CDH9: variants seen among roughly 807,000 people sequenced by gnomAD.
CDH9 encodes the protein cadherin 9.
Under a neutral mutation model 70.9 loss-of-function variants are expected in CDH9, and 28 were observed. The observed-to-expected ratio is 0.40, with a 90% CI of 0.29 to 0.54. The LOEUF is 0.54. Ranked by LOEUF, CDH9 falls within the 20% of genes least tolerant of loss-of-function variation. The probability of loss-of-function intolerance (pLI) is 0.59; values close to 1 mark genes in which losing one functional copy is unlikely to be tolerated. For synonymous variants in CDH9, 409 were observed against 343.1 expected (o/e 1.19, Z -2.12); for missense variants, 874 against 984.4 (o/e 0.89, Z 1.50).
intron 1 of CDH9, among the ~76,000 whole-genome samples, chr5:27,001,502 G>T (rs1742767345): frequency 6.6e-6 from 1 of 151,820 alleles, no homozygotes; most frequent in East Asian, 1.9e-4. Flanking sequence ...TGATCCATGG[G>T]GTAATAATTA....
At chr5:26,928,239 C>A (rs1159445013) in intron 2 of CDH9, among the ~76,000 whole-genome samples, 1 of 151,888 alleles carries the variant, frequency 6.6e-6, no homozygotes, top group Non-Finnish European at 1.5e-5. Flanking sequence ...AAACTTATCC[C>A]ATTTACAATA....
chr5:27,003,977 T>A (rs2112108584), intron 1 of CDH9, among the ~76,000 whole-genome samples: 1 of 151,976 alleles, frequency 6.6e-6, no homozygotes, highest in Admixed American at 6.6e-5. Context: ...TGTACTAGCT[T>A]CTCAGTTTTT....
intron 2 of CDH9, among the ~76,000 whole-genome samples, chr5:26,981,609 T>A (rs987745513): frequency 6.6e-6 from 1 of 152,036 alleles, no homozygotes; most frequent in Non-Finnish European, 1.5e-5. Flanking sequence ...TTATACATGC[T>A]TGCATGTATA....
At chr5:26,936,507 C>A (rs2112030102) in intron 2 of CDH9, among the ~76,000 whole-genome samples, 1 of 152,126 alleles carries the variant, frequency 6.6e-6, no homozygotes, top group Non-Finnish European at 1.5e-5. Flanking sequence ...TCTATGGATT[C>A]AATGCAATTC....
At chr5:26,997,706 A>ATT (rs200225543) in intron 1 of CDH9, among the ~76,000 whole-genome samples, 171 of 148,214 alleles carry the variant, frequency 1.2e-3, no homozygotes, top group African/African-American at 1.9e-3. Flanking sequence ...ACAAATGGTA[A>ATT]TTTTTTTTTT....
intron 2 of CDH9, among the ~76,000 whole-genome samples, chr5:26,933,548 G>A (rs1442698776): frequency 4.0e-5 from 6 of 151,814 alleles, no homozygotes; most frequent in South Asian, 2.1e-4. Flanking sequence ...AGGCCGAGGC[G>A]GGTGGATCAC....
chr5:26,952,921 A>AAAAAAGC (rs1554000078), intron 2 of CDH9, among the ~76,000 whole-genome samples: 15 of 129,338 alleles, frequency 1.2e-4, no homozygotes, highest in African/African-American at 4.0e-4. Context: ...AAAAAAAAAA[A>AAAAAAGC]AGTTTAAAGA....
chr5:26,908,323 G>A (rs1420218001), intron 3 of CDH9, among the ~76,000 whole-genome samples: 1 of 106,120 alleles, frequency 9.4e-6, no homozygotes, highest in Non-Finnish European at 1.9e-5. Flanking sequence ...TTTATGATGT[G>A]CAGAAGTTCA....
At chr5:26,933,123 A>G (rs1741493067) in intron 2 of CDH9, among the ~76,000 whole-genome samples, 2 of 147,520 alleles carry the variant, frequency 1.4e-5, no homozygotes, top group South Asian at 2.1e-4. Flanking sequence ...TTTTAAAAAT[A>G]TAAATATAGT....
chr5:26,969,347 A>C (rs1000545467), intron 2 of CDH9, among the ~76,000 whole-genome samples: 5 of 152,128 alleles, frequency 3.3e-5, no homozygotes, highest in Non-Finnish European at 7.4e-5. Context: ...TCCCCTGCCA[A>C]GTATTAAATT....
chr5:26,958,147 C>A (rs1402241584), intron 2 of CDH9, among the ~76,000 whole-genome samples: 3 of 152,072 alleles, frequency 2.0e-5, no homozygotes. Flanking sequence ...ATGGAAGAGT[C>A]TTTATTTTGC....
chr5:26,920,424 T>A (rs1741224243), intron 2 of CDH9, among the ~76,000 whole-genome samples: 1 of 152,026 alleles, frequency 6.6e-6, no homozygotes, highest in Non-Finnish European at 1.5e-5. Context: ...TGGACCCACC[T>A]AGGACCAGGG....
intron 1 of CDH9, among the ~76,000 whole-genome samples, chr5:26,997,991 C>T (rs1040134500): frequency 6.6e-6 from 1 of 152,088 alleles, no homozygotes; most frequent in African/African-American, 2.4e-5. Flanking sequence ...AGCCACCATG[C>T]CTGATTGGTT....
intron 2 of CDH9, among the ~76,000 whole-genome samples, chr5:26,917,652 T>G (rs1579449899): frequency 3.3e-5 from 5 of 152,214 alleles, no homozygotes; most frequent in Admixed American, 3.3e-4. Flanking sequence ...ACATGTAGCC[T>G]TCCCATCTCT....
At chr5:26,896,540 C>T (rs201229808) in intron 7 of CDH9, among the ~76,000 whole-genome samples, 3 of 133,880 alleles carry the variant, frequency 2.2e-5, no homozygotes, top group Non-Finnish European at 4.9e-5. Flanking sequence ...TTTCATTATA[C>T]AATAGAATGA....
chr5:26,890,295 T>C, intron 8 of CDH9, 133 bp downstream of exon 8: 2 of 710,948 alleles, frequency 2.8e-6, no homozygotes, highest in Non-Finnish European at 4.8e-6. Context: ...AATGTGTTGA[T>C]ATTCTAAGCC....
At position 26,905,968 on chromosome 5, in the gene CDH9, A is replaced by G. The variant is rs563743113; in HGVS notation, c.802T>C (p.Phe268Leu). ...CTGAAACATTTCTTACTCTGGGGAAATCGAGGAGGGTTGTTGTTGACATCT... is the reference window on the plus strand; with the variant it reads ...CTGAAACATTTCTTACTCTGGGGAAGTCGAGGAGGGTTGTTGTTGACATCT... ...LTDVNNNPPR[F>L]PQSTYQFNSP... The change falls in exon 5 of 12, where the codon TTT becomes CTT. Residue 268 changes from phenylalanine to leucine, a missense_variant. Coordinates refer to ENST00000231021, the MANE Select transcript of CDH9 (RefSeq NM_016279.4). 2 of 1,613,246 alleles carry G rather than the reference A, an allele frequency of 1.2e-6. No homozygotes were observed. The highest frequency in any genetic ancestry group is 2.2e-5 in the East Asian group (1 of 44,854).
At chr5:26,944,296 T>C (rs1741709864) in intron 2 of CDH9, among the ~76,000 whole-genome samples, 1 of 152,152 alleles carries the variant, frequency 6.6e-6, no homozygotes, top group Non-Finnish European at 1.5e-5. Context: ...CTTGACTCTT[T>C]TCTATAAAGA....
At position 27,019,973 on chromosome 5, in the gene CDH9, G is replaced by T. The variant is rs3811931; in HGVS notation, c.-50+18490C>A. 9.5e-4 allele frequency among the ~76,000 whole-genome samples: 144 copies of T among 151,918 alleles called. 2 individuals carry two copies. The East Asian group carries it at 0.026, about 28-fold the overall frequency. On this transcript the variant is annotated intron_variant, in intron 1 of 11. Coordinates refer to ENST00000231021, the MANE Select transcript of CDH9 (RefSeq NM_016279.4). ...ATTAAATACATTACAAGAAGTGTCA[G>T]CCTGTTGGAAGGTTGGGTTTAGAAA...
Sources: gnomAD v4.1 joint callset for allele counts (sites outside exome capture counted in the v4.1 genomes callset) on GRCh38, gnomAD v4.1.1 for gene constraint, MANE v1.5 for transcripts, NCBI Gene and HGNC (gene_info 2026-07-23, HGNC 2026-07-21) for gene names.